The following SPATA21 variants were observed in gnomAD, a reference collection of about 807,000 sequenced individuals.
SPATA21 encodes the protein spermatogenesis-associated protein 21.
In SPATA21, 47 loss-of-function variants were observed where a neutral mutation model predicts 54.8. The observed-to-expected ratio is 0.86, with a 90% confidence interval of 0.68 to 1.09. SPATA21 has a LOEUF of 1.09. Among genes scored for constraint, SPATA21 ranks in the 50% least tolerant of loss-of-function variants. The pLI, the probability that SPATA21 is intolerant of heterozygous loss-of-function variation, is 0.00. For synonymous variants in SPATA21, 245 were observed against 235.3 expected (o/e 1.04, Z -0.38); for missense variants, 599 against 596.4 (o/e 1.00, Z -0.05).
chr1:16,406,538 C>T (rs1284435469), intron 7 of SPATA21, among the ~76,000 whole-genome samples: 2 of 152,210 alleles, frequency 1.3e-5, no homozygotes, highest in Admixed American at 1.3e-4. Context: ...GTCTGGGAGT[C>T]CGAGAACAGC....
intron 1 of SPATA21, 111 bp downstream of exon 1, chr1:16,437,017 A>G (rs2086602855): frequency 6.6e-6 from 1 of 152,212 alleles, no homozygotes. Context: ...GGAAATATCT[A>G]TGATGGCAGG....
chr1:16,426,579 A>ATATATATTTTTT (rs1401259793), intron 3 of SPATA21, among the ~76,000 whole-genome samples: 2 of 107,154 alleles, frequency 1.9e-5, no homozygotes, highest in East Asian at 3.4e-4. Context: ...ATATATATAT[A>ATATATATTTTTT]TTTTTTTTTT....
intron 2 of SPATA21, 51 bp from the exon 3 acceptor site, chr1:16,431,473 T>C (rs1034437347): frequency 3.7e-5 from 57 of 1,538,216 alleles, no homozygotes; most frequent in Non-Finnish European, 4.6e-5. Flanking sequence ...ACCTAACTGC[T>C]GCTTCAGGAG....
intron 10 of SPATA21, among the ~76,000 whole-genome samples, chr1:16,403,231 G>A (rs1238653537): frequency 6.6e-6 from 1 of 152,198 alleles, no homozygotes; most frequent in Non-Finnish European, 1.5e-5. Context: ...ACTGCTCAGT[G>A]CATGCTGCAG....
At chr1:16,400,083 A>G (rs1029817123) in intron 11 of SPATA21, among the ~76,000 whole-genome samples, 11 of 151,788 alleles carry the variant, frequency 7.2e-5, no homozygotes, top group Non-Finnish European at 1.5e-4. Flanking sequence ...CTGGAGTGCA[A>G]TGGCGTGATC....
chr1:16,400,869 T>G lies in SPATA21; in HGVS notation c.1025A>C (p.Glu342Ala), dbSNP rs200726618. The change falls in exon 11 of 13, where the codon GAA becomes GCA. Residue 342 changes from glutamate (E) to alanine (A), a missense_variant. Transcript: ENST00000335496. ...ITNYYQKKLKEGTCKAQEMEA... is the reference protein window; with the variant it reads ...ITNYYQKKLKAGTCKAQEMEA... Reference sequence around the variant, plus strand: ...CATCTCCTGGGCCTTGCAGGTGCCTTCCTTCAGCTTTTTCTGGTAGTAGCT... The same window carrying G: ...CATCTCCTGGGCCTTGCAGGTGCCTGCCTTCAGCTTTTTCTGGTAGTAGCT... 1.3e-4 allele frequency: 212 copies of G among 1,612,860 alleles called. 3 individuals carry two copies. In the Admixed American group the frequency reaches 2.4e-3, roughly 18 times the overall value.
intron 5 of SPATA21, among the ~76,000 whole-genome samples, chr1:16,418,888 T>C (rs2086092601): frequency 6.6e-6 from 1 of 152,188 alleles, no homozygotes; most frequent in Non-Finnish European, 1.5e-5. Context: ...GAGAGGTACC[T>C]CATCTTATTC....
intron 3 of SPATA21, chr1:16,424,924 T>A (rs1012634957): frequency 3.6e-6 from 1 of 275,338 alleles, no homozygotes; most frequent in African/African-American, 2.3e-5. Context: ...TTTATTTTAT[T>A]TTTATTTTTT....
chr1:16,437,723 C>T (rs563603068), upstream of SPATA21, among the ~76,000 whole-genome samples: 2 of 152,200 alleles, frequency 1.3e-5, no homozygotes, highest in South Asian at 2.1e-4. Context: ...GGTATGTGCT[C>T]GATGCCTGTC....
At chr1:16,413,861 C>G (rs182022015) in intron 5 of SPATA21, among the ~76,000 whole-genome samples, 2 of 152,232 alleles carry the variant, frequency 1.3e-5, no homozygotes, top group Admixed American at 1.3e-4. Flanking sequence ...GATCTGCCTG[C>G]CTCGGCCTCC....
Position 16,421,489 on chromosome 1 carries a change from C to T in SPATA21, c.144+20G>A. 6.2e-7 allele frequency: 1 copy of T among 1,610,146 alleles called. No individual in the cohort carries two copies. The highest frequency in any genetic ancestry group is 8.5e-7 in the Non-Finnish European group (1 of 1,178,086). On this transcript the variant is annotated intron_variant, in intron 5 of 12. Coordinates refer to ENST00000335496, the MANE Select transcript of SPATA21 (RefSeq NM_198546.1). This position sits in a 1 kb window ranked among gnomAD's most constrained non-coding sequence, Gnocchi z 5.2. Reference sequence around the variant, plus strand: ...TTCTCCTACACAGCTCGTCCCCGTTCCCCCTATGGCCCTACTTACTGGTGG... The same window carrying T: ...TTCTCCTACACAGCTCGTCCCCGTTTCCCCTATGGCCCTACTTACTGGTGG...
chr1:16,431,203 T>G lies in SPATA21; in HGVS notation c.34+135A>C, dbSNP rs746803107. The G allele has an allele frequency of 2.8e-5, 43 of 1,559,682 alleles. No homozygotes were observed. In the Middle Eastern group the frequency reaches 5.1e-4, roughly 18 times the overall value. On this transcript the variant is annotated intron_variant, in intron 3 of 12. Transcript: ENST00000335496. Reference sequence around the variant, plus strand: ...GGCAGGGGAAGGGAAAGGTGCCAGCTAGGAGTGAATGGATCAGAACATGGG... The same window carrying G: ...GGCAGGGGAAGGGAAAGGTGCCAGCGAGGAGTGAATGGATCAGAACATGGG...
intron 3 of SPATA21, among the ~76,000 whole-genome samples, chr1:16,427,205 G>T (rs1423543194): frequency 2.0e-5 from 3 of 152,030 alleles, no homozygotes; most frequent in African/African-American, 7.2e-5. Flanking sequence ...GATGAAACAG[G>T]TATGCTTAAA....
intron 5 of SPATA21, among the ~76,000 whole-genome samples, chr1:16,418,303 G>T (rs368014509): frequency 4.3e-4 from 65 of 151,770 alleles, no homozygotes; most frequent in African/African-American, 1.5e-3. Flanking sequence ...ATGGAGTCTC[G>T]CTCTGTCGCC....
intron 3 of SPATA21, chr1:16,431,127 TG>T: frequency 8.1e-7 from 1 of 1,227,806 alleles, no homozygotes; most frequent in East Asian, 2.6e-5. Flanking sequence ...AATTGGGTTT[TG>T]TGTCCATTTT....
At chr1:16,403,622 C>T (rs1478804355) in intron 10 of SPATA21, 105 bp downstream of exon 10, 3 of 1,009,738 alleles carry the variant, frequency 3.0e-6, no homozygotes, top group Non-Finnish European at 4.6e-6. Flanking sequence ...CAGTTTCTTT[C>T]ACTTGTGACT....
intron 8 of SPATA21, among the ~76,000 whole-genome samples, chr1:16,404,384 C>G (rs556382894): frequency 1.3e-5 from 2 of 151,960 alleles, no homozygotes; most frequent in African/African-American, 4.8e-5. Flanking sequence ...GCAGGAGAAT[C>G]GCTTGAACCT....
intron 1 of SPATA21, among the ~76,000 whole-genome samples, chr1:16,435,620 C>G (rs936289503): frequency 3.3e-5 from 5 of 150,536 alleles, no homozygotes; most frequent in South Asian, 2.1e-4. Context: ...CCCGGCCCCC[C>G]CCTTTTTTTT....
At position 16,418,661 on chromosome 1, in the gene SPATA21, G is replaced by A. The variant is rs192366496; in HGVS notation, c.144+2848C>T. Among the ~76,000 whole-genome samples, 18 of 150,892 alleles carry A rather than the reference G, an allele frequency of 1.2e-4. No individual in the cohort carries two copies. In the East Asian group the frequency reaches 1.8e-3, roughly 15 times the overall value. On this transcript the variant is annotated intron_variant, in intron 5 of 12. Transcript: ENST00000335496. The stretch of plus-strand genomic sequence containing the variant: ...TGGCTCACTGCATCCTCTGCCTCAC[G>A]GGTTCAAGTGACTCTCCTGCCTCAG...
Sources: gnomAD v4.1 joint callset for allele counts (sites outside exome capture counted in the v4.1 genomes callset) on GRCh38, gnomAD v4.1.1 for gene constraint, Gnocchi (gnomAD v3.1) non-coding constraint, MANE v1.5 for transcripts, NCBI Gene and HGNC (gene_info 2026-07-23, HGNC 2026-07-21) for gene names.